Variants in WNK3 observed in about 807,000 individuals in gnomAD.
WNK3 encodes serine/threonine-protein kinase WNK3.
WNK3 carries 18 observed loss-of-function variants against 116.7 expected under a neutral mutation model. That is an observed-to-expected ratio of 0.15 (90% CI 0.11 to 0.23). The LOEUF is 0.23. WNK3 is among the 10% of genes least tolerant of loss of function. WNK3 has a pLI of 1.00. For synonymous variants in WNK3, 404 were observed against 469.4 expected, an observed-to-expected ratio of 0.86 and a Z score of 1.80; for missense variants, 993 against 1,323.8, an observed-to-expected ratio of 0.75 and a Z score of 3.88.
intron 22 of WNK3, among the ~76,000 whole-genome samples, chrX:54,221,345 T>C (rs2067758283): frequency 8.9e-6 from 1 of 112,201 alleles, no homozygotes; most frequent in Non-Finnish European, 1.9e-5. Context: ...AACTCTACTT[T>C]TCCTACCTGA....
intron 2 of WNK3, among the ~76,000 whole-genome samples, chrX:54,321,312 A>G (rs782327758): frequency 8.9e-6 from 1 of 112,118 alleles, no homozygotes; most frequent in Admixed American, 9.6e-5. Context: ...AAAGTAAAAA[A>G]TTAAGGCTCC....
intron 10 of WNK3, among the ~76,000 whole-genome samples, chrX:54,276,913 C>T (rs1356909916): frequency 9.0e-5 from 10 of 111,703 alleles, no homozygotes; most frequent in Non-Finnish European, 5.6e-5. Flanking sequence ...GACAGGGTTT[C>T]GCCATGTTGG....
chrX:54,275,186 G>A (rs980715560), intron 10 of WNK3, among the ~76,000 whole-genome samples: 12 of 108,711 alleles, frequency 1.1e-4, no homozygotes, highest in African/African-American at 4.0e-4. Context: ...TGCGGTGGTA[G>A]GCAGCTGTAA....
intron 2 of WNK3, among the ~76,000 whole-genome samples, chrX:54,318,054 G>A (rs1300337209): frequency 9.1e-6 from 1 of 110,333 alleles, no homozygotes; most frequent in African/African-American, 3.3e-5. Context: ...CTGAAAAACT[G>A]CACACTTAAA....
intron 2 of WNK3, among the ~76,000 whole-genome samples, chrX:54,332,198 A>G (rs1314868611): frequency 8.9e-6 from 1 of 112,259 alleles, no homozygotes; most frequent in Non-Finnish European, 1.9e-5. Flanking sequence ...GGAACCAAAT[A>G]TGTAGGCAAT....
intron 21 of WNK3, among the ~76,000 whole-genome samples, chrX:54,230,707 G>A (rs1244237949): frequency 3.6e-5 from 4 of 112,458 alleles, no homozygotes; most frequent in Non-Finnish European, 5.6e-5. Context: ...CACCCAAAAA[G>A]CTGTATGTGA....
Position 54,251,600 on chromosome X carries a change from G to A in WNK3, c.2455C>T (p.His819Tyr). The A allele has an allele frequency of 1.7e-6, 2 of 1,210,939 alleles. No homozygotes were observed. Among genetic ancestry groups the A allele is most frequent in the Admixed American group, 2.2e-5 (1 of 45,999 alleles). ...GCTCTTTCTGTGGCAAAGTGGACATGAAGGATCTCCTGGGCTTGACCTACA... is the reference window on the plus strand; with the variant it reads ...GCTCTTTCTGTGGCAAAGTGGACATAAAGGATCTCCTGGGCTTGACCTACA... The change falls in exon 14 of 24, where the codon CAT becomes TAT. Residue 819 changes from histidine (H) to tyrosine (Y), a missense_variant. Physicochemically the swap from His to Tyr is moderately conservative, Grantham distance 83 (BLOSUM62 2). This residue lies in a region of WNK3 where 836 missense variants were observed against 976.5 expected (regional missense o/e 0.86). Coordinates refer to ENST00000354646, the Ensembl canonical transcript of WNK3.
chrX:54,219,902 G>C, intron 22 of WNK3, among the ~76,000 whole-genome samples: 1 of 111,354 alleles, frequency 9.0e-6, no homozygotes, highest in Non-Finnish European at 1.9e-5. Flanking sequence ...ACCAAACTGT[G>C]CACTGTCTTT....
intron 13 of WNK3, 120 bp from the exon 14 acceptor site, chrX:54,251,807 T>C (rs2068133077): frequency 2.1e-5 from 14 of 665,733 alleles, no homozygotes; most frequent in Non-Finnish European, 2.8e-5. Flanking sequence ...GGCTCATGCC[T>C]GTAATCCCAG....
chrX:54,346,279 C>CAAAA (rs150788845), intron 1 of WNK3, among the ~76,000 whole-genome samples: 28 of 30,303 alleles, frequency 9.2e-4, no homozygotes, highest in Non-Finnish European at 1.1e-3. Context: ...GCTGATCAGC[C>CAAAA]AAAAAAAAAA....
At chrX:54,251,257 C>T (rs781794464) in intron 15 of WNK3, 142 bp downstream of exon 15, 38 of 454,760 alleles carry the variant, frequency 8.4e-5, no homozygotes, top group Non-Finnish European at 1.3e-4. Context: ...TACCTTTGGG[C>T]CTTTCAAAGT....
chrX:54,276,352 C>CA (rs782506461), intron 10 of WNK3, among the ~76,000 whole-genome samples: 5,285 of 106,705 alleles, frequency 0.05, 153 homozygotes, highest in Middle Eastern at 0.1. Flanking sequence ...AACAAACAAA[C>CA]AAAAAAAAAC....
At chrX:54,310,143 T>C (rs1171228423) in intron 3 of WNK3, among the ~76,000 whole-genome samples, 14 of 108,530 alleles carry the variant, frequency 1.3e-4, no homozygotes, top group African/African-American at 4.6e-4. Context: ...TATTATACTA[T>C]ATAATACTAT....
At chrX:54,296,858 G>A (rs1237710530) in intron 7 of WNK3, among the ~76,000 whole-genome samples, 1 of 110,777 alleles carries the variant, frequency 9.0e-6, no homozygotes, top group Non-Finnish European at 1.9e-5. Flanking sequence ...CACAGAAGTT[G>A]CCTTCTGTGA....
At chrX:54,196,377 G>A (rs979752350) in exon 24 of WNK3, 22 of 106,521 alleles carry the variant, frequency 2.1e-4, no homozygotes, top group African/African-American at 7.2e-4. Flanking sequence ...GATAATGGAT[G>A]TGATCCTCAG....
At chrX:54,216,041 G>A (rs1472176523) in intron 22 of WNK3, among the ~76,000 whole-genome samples, 3 of 110,060 alleles carry the variant, frequency 2.7e-5, no homozygotes, top group South Asian at 3.9e-4. Context: ...GATTAAGGGC[G>A]GTGCAAGATG....
At chrX:54,224,592 T>C (rs1474701564) in intron 22 of WNK3, among the ~76,000 whole-genome samples, 15 of 105,643 alleles carry the variant, frequency 1.4e-4, no homozygotes, top group East Asian at 2.9e-4. Context: ...CTTTTTGAGA[T>C]GGAGTCTCGC....
Position 54,213,553 on chromosome X carries a change from C to CAAAAA in WNK3, c.4871-11365_4871-11361dup, listed in dbSNP as rs782580375. Among the ~76,000 whole-genome samples the CAAAAA allele has an allele frequency of 4.0e-3, 57 of 14,226 alleles. 14 individuals are homozygous for CAAAAA. The highest frequency in any genetic ancestry group is 0.028 in the African/African-American group (50 of 1,761). 12.4% of individuals were successfully genotyped at this position (14,226 alleles called of 115,157 possible). On this transcript the variant is annotated intron_variant, in intron 22 of 23. Coordinates refer to ENST00000354646, the Ensembl canonical transcript of WNK3. Reference sequence around the variant, plus strand: ...AGGGCGACAGAGTGAGACTCCGTCTCAAAAAAAAAAACAAACAAAAAAAAA... The same window carrying CAAAAA: ...AGGGCGACAGAGTGAGACTCCGTCTCAAAAAAAAAAAAAAAACAAACAAAAAAAAA...
intron 10 of WNK3, among the ~76,000 whole-genome samples, chrX:54,271,054 C>T (rs1413961124): frequency 8.9e-6 from 1 of 112,184 alleles, no homozygotes; most frequent in Admixed American, 9.5e-5. Flanking sequence ...GCTGGGATTA[C>T]AGGCGTGAGC....
Sources: gnomAD v4.1 joint callset for allele counts (sites outside exome capture counted in the v4.1 genomes callset) on GRCh38, gnomAD v4.1.1 for gene constraint, gnomAD v4.1.1 regional missense constraint, MANE v1.5 for transcripts, NCBI Gene and HGNC (gene_info 2026-07-23, HGNC 2026-07-21) for gene names.